Variants in DYNC2H1 observed in about 807,000 individuals in gnomAD.
DYNC2H1 encodes dynein cytoplasmic 2 heavy chain 1.
Under a neutral mutation model 570.0 loss-of-function variants are expected in DYNC2H1, and 410 were observed. The observed-to-expected ratio is 0.72, with a 90% CI of 0.66 to 0.78. DYNC2H1 has a LOEUF of 0.78. DYNC2H1 is among the 30% of genes least tolerant of loss of function. DYNC2H1 has a pLI of 0.00. For missense variants in DYNC2H1, 4,865 were observed against 5,046.4 expected (o/e 0.96, Z 1.09); for synonymous variants, 1,688 against 1,677.6 (o/e 1.01, Z -0.15).
intron 83 of DYNC2H1, among the ~76,000 whole-genome samples, chr11:103,393,237 A>C (rs1451986190): frequency 6.6e-6 from 1 of 152,204 alleles, no homozygotes; most frequent in Non-Finnish European, 1.5e-5. Flanking sequence ...TGCCTGACAC[A>C]TAGTCAGTAC....
chr11:103,219,157 C>A (rs954477345), intron 55 of DYNC2H1, among the ~76,000 whole-genome samples: 5 of 152,004 alleles, frequency 3.3e-5, no homozygotes, highest in Non-Finnish European at 5.9e-5. Flanking sequence ...ATTTGGGAAG[C>A]TGAAGTTGGG....
intron 82 of DYNC2H1, among the ~76,000 whole-genome samples, chr11:103,338,307 AT>A (rs59940072): frequency 0.22 from 32,972 of 151,852 alleles, 3,711 homozygotes; most frequent in Admixed American, 0.31. Context: ...AGGAAGTATG[AT>A]TTGCTCTAGT....
At chr11:103,422,296 A>G (rs1943514006) in intron 84 of DYNC2H1, among the ~76,000 whole-genome samples, 1 of 152,206 alleles carries the variant, frequency 6.6e-6, no homozygotes, top group South Asian at 2.1e-4. Context: ...TACTGCAACT[A>G]TTCCAAAAAA....
At chr11:103,301,106 C>T (rs1867027263) in intron 75 of DYNC2H1, among the ~76,000 whole-genome samples, 2 of 151,812 alleles carry the variant, frequency 1.3e-5, no homozygotes, top group South Asian at 4.1e-4. Flanking sequence ...GTATACATTA[C>T]AATATGGAAT....
At chr11:103,294,266 G>T (rs1866731737) in intron 75 of DYNC2H1, among the ~76,000 whole-genome samples, 1 of 152,128 alleles carries the variant, frequency 6.6e-6, no homozygotes, top group Non-Finnish European at 1.5e-5. Flanking sequence ...TCTGATGCTT[G>T]TGGACCTTCA....
chr11:103,235,728 T>G lies in DYNC2H1; in HGVS notation c.9624T>G (p.Ala3208=), dbSNP rs201247414. 152 of 1,611,670 alleles carry G rather than the reference T, an allele frequency of 9.4e-5. No individual in the cohort carries two copies. Among genetic ancestry groups the G allele is most frequent in the Non-Finnish European group, 1.3e-4 (150 of 1,178,500 alleles). Residue 3208 remains alanine (A), a synonymous_variant, in exon 62 of 89, where the codon GCT becomes GCG. Coordinates refer to ENST00000375735, the MANE Select transcript of DYNC2H1 (RefSeq NM_001377.3). ...TTCCTAAAAGAGCTCAACTTGCTGC[T>G]GCATTTATTACATATCTTTCTGCTG... ...ATLPKRAQLA[A]AFITYLSAAP... is the part of the protein sequence containing the mutation.
chr11:103,386,865 G>T (rs1433213203), intron 83 of DYNC2H1, among the ~76,000 whole-genome samples: 1 of 152,000 alleles, frequency 6.6e-6, no homozygotes, highest in Admixed American at 6.6e-5. Flanking sequence ...ATTCCATGGT[G>T]TGTATGTGCC....
chr11:103,458,893 A>G (rs1944892402), intron 87 of DYNC2H1, among the ~76,000 whole-genome samples: 1 of 152,132 alleles, frequency 6.6e-6, no homozygotes, highest in South Asian at 2.1e-4. Context: ...GCTGGTCTCA[A>G]ACTTCTGGGC....
intron 82 of DYNC2H1, among the ~76,000 whole-genome samples, chr11:103,356,289 C>T (rs1361981585): frequency 6.6e-6 from 1 of 152,068 alleles, no homozygotes; most frequent in Non-Finnish European, 1.5e-5. Context: ...TAGCCCTGTC[C>T]TCATTAATAA....
Position 103,189,891 on chromosome 11 carries a change from CTG to C in DYNC2H1, c.7437+79_7437+80del. On this transcript the variant is annotated intron_variant, in intron 45 of 88. Transcript: ENST00000375735. The surrounding 1 kb of genome is among the most constrained non-coding windows in gnomAD (Gnocchi z 4.3). Reference sequence around the variant, plus strand: ...AAAGGTCTACTTTTAATTCTGACCTCTGTGTTGACACCCAGGCTTTACTTTCC... The same window carrying C: ...AAAGGTCTACTTTTAATTCTGACCTCTGTTGACACCCAGGCTTTACTTTCC... The C allele has an allele frequency of 7.1e-7, 1 of 1,409,008 alleles. No individual in the cohort carries two copies. The allele number at this position is 1,409,008 out of a possible 1,614,324, so 87.3% of individuals were successfully genotyped here. A position where few individuals can be genotyped will look rare whatever the true frequency, so the allele number is the denominator to read the frequency against.
At chr11:103,469,220 T>C (rs1471148920) in intron 88 of DYNC2H1, among the ~76,000 whole-genome samples, 1 of 152,240 alleles carries the variant, frequency 6.6e-6, no homozygotes, top group African/African-American at 2.4e-5. Flanking sequence ...ATGCAGCTGA[T>C]AGGTGGATGA....
chr11:103,144,893 T>G (rs1860156826), intron 18 of DYNC2H1, among the ~76,000 whole-genome samples: 1 of 151,984 alleles, frequency 6.6e-6, no homozygotes, highest in Non-Finnish European at 1.5e-5. Context: ...GTTATTTTTT[T>G]TTTTTGAGAC....
chr11:103,188,749 T>TAA, intron 44 of DYNC2H1, 101 bp downstream of exon 44: 1 of 1,005,158 alleles, frequency 9.9e-7, no homozygotes, highest in Non-Finnish European at 1.3e-6. Context: ...ATTTAGAATA[T>TAA]AAAAATGGTC....
At position 103,211,955 on chromosome 11, in the gene DYNC2H1, G is replaced by T; in HGVS notation, c.8694+12G>T. The T allele has an allele frequency of 6.7e-7, 1 of 1,496,908 alleles. No individual in the cohort carries two copies. Among genetic ancestry groups the T allele is most frequent in the Non-Finnish European group, 8.9e-7 (1 of 1,123,230 alleles). 92.7% of individuals were successfully genotyped at this position (1,496,908 alleles called of 1,614,324 possible). On this transcript the variant is annotated intron_variant, in intron 54 of 88. Coordinates refer to ENST00000375735, the MANE Select transcript of DYNC2H1 (RefSeq NM_001377.3). The stretch of plus-strand genomic sequence containing the variant: ...AAAGTCATTTGCAGGTATAGTATTG[G>T]TAATCTTGAATTATTTTATCTATAT...
At chr11:103,134,484 A>G in intron 15 of DYNC2H1, 65 bp downstream of exon 15, 4 of 1,293,556 alleles carry the variant, frequency 3.1e-6, no homozygotes, top group Admixed American at 4.7e-5. Flanking sequence ...TAAGTACAAT[A>G]TATGAATTGC....
At chr11:103,383,182 A>T (rs1009979803) in intron 83 of DYNC2H1, among the ~76,000 whole-genome samples, 2 of 152,182 alleles carry the variant, frequency 1.3e-5, no homozygotes, top group African/African-American at 4.8e-5. Context: ...TGTTGGAAGG[A>T]TACTGAAAAG....
rs1030002754 is a variant in DYNC2H1, at chr11:103,209,305, G to A, written c.8455-571G>A. Among the ~76,000 whole-genome samples the A allele has an allele frequency of 5.3e-5, 8 of 151,522 alleles. No individual in the cohort carries two copies. Among genetic ancestry groups the A allele is most frequent in the African/African-American group, 1.7e-4 (7 of 41,262 alleles). ...ACTTTCTTTTGTATATTCTAAAGTA[G>A]CATTCTTATAAGGTTATCTTTACTT... On this transcript the variant is annotated intron_variant, in intron 52 of 88. Transcript: ENST00000375735. This position sits in a 1 kb window ranked among gnomAD's most constrained non-coding sequence, Gnocchi z 4.2.
intron 84 of DYNC2H1, among the ~76,000 whole-genome samples, chr11:103,432,647 A>G (rs1418301658): frequency 7.6e-6 from 1 of 132,344 alleles, no homozygotes; most frequent in African/African-American, 3.0e-5. Flanking sequence ...ACAGCAAGCA[A>G]TAAGTCATCA....
intron 54 of DYNC2H1, among the ~76,000 whole-genome samples, chr11:103,212,605 TCCGTATTTCTTTAACTATA>T (rs1311299146): frequency 6.6e-6 from 1 of 152,234 alleles, no homozygotes; most frequent in East Asian, 1.9e-4. Flanking sequence ...CAGTTTTCTT[TCCGTATTTCTTTAACTATA>T]AAGCTTTAAC....
Sources: gnomAD v4.1 joint callset for allele counts (sites outside exome capture counted in the v4.1 genomes callset) on GRCh38, gnomAD v4.1.1 for gene constraint, Gnocchi (gnomAD v3.1) non-coding constraint, MANE v1.5 for transcripts, NCBI Gene and HGNC (gene_info 2026-07-23, HGNC 2026-07-21) for gene names.